TSPAN14: variants seen among roughly 807,000 people sequenced by gnomAD.
TSPAN14 encodes tetraspanin-14.
Under a neutral mutation model 36.6 loss-of-function variants are expected in TSPAN14, and 16 were observed. The observed-to-expected ratio is 0.44, with a 90% CI of 0.30 to 0.66. The LOEUF is 0.66. Ranked by LOEUF, TSPAN14 falls within the 30% of genes least tolerant of loss-of-function variation. The pLI, the probability that TSPAN14 is intolerant of heterozygous loss-of-function variation, is 0.12. For missense variants in TSPAN14, 231 were observed against 355.1 expected (o/e 0.65, Z 2.81); for synonymous variants, 139 against 143.8 (o/e 0.97, Z 0.24).
At chr10:80,510,872 T>G (rs1840582330) in intron 5 of TSPAN14, among the ~76,000 whole-genome samples, 1 of 151,866 alleles carries the variant, frequency 6.6e-6, no homozygotes, top group Non-Finnish European at 1.5e-5. Context: ...AGACTCCGTC[T>G]CAAAAAAAAG....
exon 9 of TSPAN14, chr10:80,520,533 C>T: frequency 2.1e-6 from 1 of 487,058 alleles, no homozygotes; most frequent in Admixed American, 2.1e-5. Flanking sequence ...CTCACCTCAC[C>T]ATGCACATGC....
intron 2 of TSPAN14, among the ~76,000 whole-genome samples, chr10:80,497,846 T>C (rs1848275855): frequency 6.7e-6 from 1 of 149,944 alleles, no homozygotes; most frequent in Non-Finnish European, 1.5e-5. Context: ...CTGGCTCTGC[T>C]GGGAGGGCAC....
intron 4 of TSPAN14, among the ~76,000 whole-genome samples, chr10:80,508,253 C>A (rs1197551761): frequency 6.6e-6 from 1 of 151,888 alleles, no homozygotes; most frequent in African/African-American, 2.4e-5. Flanking sequence ...GTAGCTGGGA[C>A]TACAGGCGCC....
At chr10:80,484,427 C>T (rs540571694) in intron 1 of TSPAN14, among the ~76,000 whole-genome samples, 15 of 152,034 alleles carry the variant, frequency 9.9e-5, no homozygotes, top group Non-Finnish European at 1.9e-4. Flanking sequence ...CAGGCTCAAG[C>T]GATTATCCCG....
At chr10:80,511,723 TCTC>T (rs1840644919) in intron 5 of TSPAN14, among the ~76,000 whole-genome samples, 1 of 65,278 alleles carries the variant, frequency 1.5e-5, no homozygotes, top group East Asian at 2.7e-4. Context: ...TCTCTCTCTC[TCTC>T]TCTCTCTCTC....
At chr10:80,468,653 A>G (rs1257463011) in intron 1 of TSPAN14, 2 of 152,176 alleles carry the variant, frequency 1.3e-5, no homozygotes, top group Admixed American at 6.5e-5. Context: ...GTCTCCATCC[A>G]GATCAGCTGA....
chr10:80,504,795 C>G lies in TSPAN14; in HGVS notation c.132+17C>G. The G allele has an allele frequency of 3.1e-6, 5 of 1,614,140 alleles. No homozygotes were observed. Among genetic ancestry groups the G allele is most frequent in the Non-Finnish European group, 4.2e-6 (5 of 1,179,990 alleles). On this transcript the variant is annotated intron_variant, in intron 3 of 8. Transcript: ENST00000429989. ...AGCGAAAAGGTAGGTGTAACTGTCGCAGGACACTGAGCTTCAGGCAGCCAA... is the reference window on the plus strand; with the variant it reads ...AGCGAAAAGGTAGGTGTAACTGTCGGAGGACACTGAGCTTCAGGCAGCCAA...
intron 1 of TSPAN14, among the ~76,000 whole-genome samples, chr10:80,473,751 G>T (rs79433122): frequency 6.9e-6 from 1 of 145,674 alleles, no homozygotes; most frequent in African/African-American, 2.6e-5. Flanking sequence ...AGGTTCACAT[G>T]CCACGGTGTC....
rs1056859855 is a variant in TSPAN14, at chr10:80,489,207, C to G, written c.-17-10C>G. ...GCCTGCCATCTCACTAGTCACACAT[C>G]TCTCCGCAGATTCTGCTTCTCAGAA... On this transcript the variant is annotated splice_polypyrimidine_tract_variant and intron_variant, in intron 1 of 8. Coordinates refer to ENST00000429989, the Ensembl canonical transcript of TSPAN14. 8 of 1,551,012 alleles carry G rather than the reference C, an allele frequency of 5.2e-6. No individual in the cohort carries two copies. The highest frequency in any genetic ancestry group is 7.0e-6 in the Non-Finnish European group (8 of 1,141,850).
chr10:80,472,410 A>G (rs7096156), intron 1 of TSPAN14, among the ~76,000 whole-genome samples: 1,883 of 152,238 alleles, frequency 0.012, 34 homozygotes, highest in African/African-American at 0.041. Context: ...TACCGGTGAT[A>G]TTGACAATGA....
At chr10:80,504,803 T>C (rs1840196362) in intron 3 of TSPAN14, 25 bp downstream of exon 3, 1 of 1,614,058 alleles carries the variant, frequency 6.2e-7, no homozygotes. Context: ...CGCAGGACAC[T>C]GAGCTTCAGG....
At chr10:80,476,115 T>C (rs1201934976) in intron 1 of TSPAN14, among the ~76,000 whole-genome samples, 2 of 152,186 alleles carry the variant, frequency 1.3e-5, no homozygotes, top group Non-Finnish European at 2.9e-5. Flanking sequence ...CTCACGCTTA[T>C]AATACAAGCA....
chr10:80,496,641 C>T (rs918509385), intron 2 of TSPAN14, among the ~76,000 whole-genome samples: 2 of 152,124 alleles, frequency 1.3e-5, no homozygotes, highest in Admixed American at 1.3e-4. Context: ...CACAGAGGCT[C>T]GGTTTAGTTT....
intron 4 of TSPAN14, among the ~76,000 whole-genome samples, chr10:80,507,913 G>A (rs1840380374): frequency 6.6e-6 from 1 of 151,902 alleles, no homozygotes; most frequent in African/African-American, 2.4e-5. Context: ...ATCATATTTT[G>A]CAGTATATTG....
intron 1 of TSPAN14, among the ~76,000 whole-genome samples, chr10:80,461,144 T>TA (rs1201868483): frequency 6.6e-6 from 1 of 152,154 alleles, no homozygotes; most frequent in East Asian, 1.9e-4. Flanking sequence ...CCCTCCTGTC[T>TA]ACTTGATCAG....
intron 3 of TSPAN14, among the ~76,000 whole-genome samples, chr10:80,504,996 G>A (rs183538846): frequency 6.6e-6 from 1 of 152,340 alleles, no homozygotes; most frequent in East Asian, 1.9e-4. Flanking sequence ...TGGGTTTTGA[G>A]CCCTGTGGAT....
intron 1 of TSPAN14, among the ~76,000 whole-genome samples, chr10:80,484,019 G>A (rs949578418): frequency 2.0e-5 from 3 of 149,520 alleles, no homozygotes; most frequent in South Asian, 2.1e-4. Flanking sequence ...CAAGGTGGGC[G>A]GATTGCTTTG....
In TSPAN14 at chr10:80,488,390, G is replaced by A. The variant is rs1847741757; in HGVS notation, c.-17-827G>A. 2.6e-5 allele frequency among the ~76,000 whole-genome samples: 4 copies of A among 152,354 alleles called. No homozygotes were observed. The South Asian group carries it at 8.3e-4, about 32-fold the overall frequency. On this transcript the variant is annotated intron_variant, in intron 1 of 8. Transcript: ENST00000429989. Reference sequence around the variant, plus strand: ...AGTAGGATCTCTGAGGTTGCTTTGAGGGTTAGACACAGATAAAAAACAGTG... The same window carrying A: ...AGTAGGATCTCTGAGGTTGCTTTGAAGGTTAGACACAGATAAAAAACAGTG...
intron 1 of TSPAN14, among the ~76,000 whole-genome samples, chr10:80,458,647 G>C (rs1165115638): frequency 6.6e-6 from 1 of 152,150 alleles, no homozygotes; most frequent in African/African-American, 2.4e-5. Flanking sequence ...GAGAGTCTTT[G>C]GTCTAGGTGA....
Sources: allele counts gnomAD v4.1 joint callset (sites outside exome capture counted in the v4.1 genomes callset), GRCh38; gene constraint gnomAD v4.1.1; transcripts MANE v1.5; gene names NCBI Gene and HGNC (gene_info 2026-07-23, HGNC 2026-07-21).